The following STXBP3 variants were observed in gnomAD, a reference collection of about 807,000 sequenced individuals.
STXBP3 encodes the protein syntaxin binding protein 3, also known as syntaxin-binding protein 3.
STXBP3 carries 41 observed loss-of-function variants against 85.7 expected under a neutral mutation model. The ratio of observed to expected loss-of-function variants is 0.48; its 90% CI spans 0.37 to 0.62. The LOEUF is 0.62. STXBP3 is among the 20% of genes least tolerant of loss of function. The pLI is 0.00. For missense variants in STXBP3, 563 were observed against 703.1 expected (o/e 0.80, Z 2.25); for synonymous variants, 229 against 231.7 (o/e 0.99, Z 0.10).
chr1:108,806,998 T>G (rs1663350788), intron 17 of STXBP3, among the ~76,000 whole-genome samples: 1 of 152,142 alleles, frequency 6.6e-6, no homozygotes, highest in Admixed American at 6.5e-5. Flanking sequence ...TTATGCCTGT[T>G]ATCCCAGCAC....
In STXBP3 at chr1:108,794,881, A is replaced by T; in HGVS notation, c.1084A>T (p.Ile362Leu). The change falls in exon 13 of 19, where the codon ATA becomes TTA. Residue 362 changes from isoleucine to leucine, a missense_variant. Around this residue, in one of 3 missense-constraint regions of STXBP3, gnomAD observed 494 missense variants for 592.8 expected, o/e 0.83. Coordinates refer to ENST00000370008, the MANE Select transcript of STXBP3 (RefSeq NM_007269.4). ...TTGCATGAATAAGTTCAAGCTTAATATAGAAAAGCTCTGCAAAACTGAACA... is the reference window on the plus strand; with the variant it reads ...TTGCATGAATAAGTTCAAGCTTAATTTAGAAAAGCTCTGCAAAACTGAACA... Reference protein sequence around the residue: ...EDCMNKFKLNIEKLCKTEQDL... With the variant: ...EDCMNKFKLNLEKLCKTEQDL... 6.2e-7 allele frequency: 1 copy of T among 1,609,194 alleles called. No individual in the cohort carries two copies. The highest frequency in any genetic ancestry group is 8.5e-7 in the Non-Finnish European group (1 of 1,177,308).
chr1:108,755,486 G>T lies in STXBP3; in HGVS notation c.182-1204G>T, dbSNP rs190162386. Among the ~76,000 whole-genome samples, 167 of 151,980 alleles carry T rather than the reference G, an allele frequency of 1.1e-3. 1 individual carries two copies. The highest frequency in any genetic ancestry group is 3.9e-3 in the African/African-American group (160 of 41,448). ...AAAGTAAAAAACAGACTGGGAATTA[G>T]ATTTTTTTTTTCACTATTAAAGACC... On this transcript the variant is annotated intron_variant, in intron 3 of 18. Transcript: ENST00000370008.
intron 11 of STXBP3, among the ~76,000 whole-genome samples, chr1:108,784,344 G>C (rs796742296): frequency 6.6e-6 from 1 of 152,152 alleles, no homozygotes; most frequent in African/African-American, 2.4e-5. Flanking sequence ...GAGGCCTCAG[G>C]AAACTTAACA....
At chr1:108,753,941 C>T (rs1194036693) in intron 3 of STXBP3, among the ~76,000 whole-genome samples, 1 of 152,010 alleles carries the variant, frequency 6.6e-6, no homozygotes, top group Non-Finnish European at 1.5e-5. Context: ...GTCTGTTACT[C>T]CTAACTTAAT....
chr1:108,808,674 T>A, intron 18 of STXBP3, 109 bp from the exon 19 acceptor site: 5 of 821,142 alleles, frequency 6.1e-6, no homozygotes, highest in Admixed American at 4.8e-5. Flanking sequence ...TTTTGTTACA[T>A]TACCCCAGGC....
Position 108,779,340 on chromosome 1 carries a change from A to C in STXBP3, c.739A>C (p.Thr247Pro). Reference protein sequence around the residue: ...IIDRGFDPVSTVLHELTFQAM... With the variant: ...IIDRGFDPVSPVLHELTFQAM... ...TGATCGTGGCTTTGATCCTGTGTCC[A>C]CTGTCCTGCATGAACTGACCTTTCA... is the stretch of plus-strand genomic sequence containing the variant. The change falls in exon 9 of 19, where the codon ACT becomes CCT. Residue 247 changes from threonine to proline, a missense_variant. By Grantham distance (38) the Thr-to-Pro change is conservative (BLOSUM62 -1). Coordinates refer to ENST00000370008, the MANE Select transcript of STXBP3 (RefSeq NM_007269.4). 6.2e-7 allele frequency: 1 copy of C among 1,613,446 alleles called. No homozygotes were observed. The highest frequency in any genetic ancestry group is 1.7e-4 in the Middle Eastern group (1 of 6,058).
intron 17 of STXBP3, among the ~76,000 whole-genome samples, chr1:108,806,018 C>G (rs1402674126): frequency 6.6e-6 from 1 of 152,118 alleles, no homozygotes; most frequent in Middle Eastern, 3.4e-3. Flanking sequence ...TTATTTTTAC[C>G]TAAAAAAGAA....
intron 1 of STXBP3, among the ~76,000 whole-genome samples, chr1:108,750,600 C>G (rs1186799398): frequency 1.3e-5 from 2 of 152,180 alleles, no homozygotes; most frequent in Admixed American, 6.5e-5. Context: ...CAACTCTGGA[C>G]ACCAGCTGTA....
intron 15 of STXBP3, among the ~76,000 whole-genome samples, chr1:108,797,818 C>T (rs1663141701): frequency 6.6e-6 from 1 of 152,100 alleles, no homozygotes; most frequent in Non-Finnish European, 1.5e-5. Flanking sequence ...TCACTGCAAG[C>T]TCTGCCTCCT....
At chr1:108,761,260 A>G (rs1662136103) in intron 6 of STXBP3, among the ~76,000 whole-genome samples, 1 of 152,168 alleles carries the variant, frequency 6.6e-6, no homozygotes, top group East Asian at 1.9e-4. Context: ...AGATTTTAAC[A>G]TATCTGCTTA....
At chr1:108,798,020 CTT>C in intron 15 of STXBP3, 123 bp from the exon 16 acceptor site, 1 of 777,704 alleles carries the variant, frequency 1.3e-6, no homozygotes, top group Non-Finnish European at 2.0e-6. Flanking sequence ...CATCTCCACT[CTT>C]AGTTTTAAGT....
chr1:108,809,516 T>G lies in STXBP3; in HGVS notation c.*639T>G, dbSNP rs914215765. The G allele has an allele frequency of 1.3e-5, 2 of 152,170 alleles. No homozygotes were observed. Among genetic ancestry groups the G allele is most frequent in the African/African-American group, 2.4e-5 (1 of 41,442 alleles). 9.4% of individuals were successfully genotyped at this position (152,170 alleles called of 1,614,324 possible). On this transcript the variant is annotated 3_prime_UTR_variant, in exon 19 of 19. Coordinates refer to ENST00000370008, the MANE Select transcript of STXBP3 (RefSeq NM_007269.4). Reference sequence around the variant, plus strand: ...TTCTAAGAGAAAATAAATATAGAATTTAAAAAATTATTCTGGTTTGTGTTT... The same window carrying G: ...TTCTAAGAGAAAATAAATATAGAATGTAAAAAATTATTCTGGTTTGTGTTT...
intron 1 of STXBP3, among the ~76,000 whole-genome samples, chr1:108,747,058 G>C: frequency 8.3e-6 from 1 of 120,766 alleles, no homozygotes; most frequent in East Asian, 2.1e-4. Flanking sequence ...CTCCGCCCCG[G>C]GTGAGCCGCC....
At chr1:108,787,782 G>GT (rs933975962) in intron 11 of STXBP3, among the ~76,000 whole-genome samples, 14 of 151,576 alleles carry the variant, frequency 9.2e-5, no homozygotes, top group Admixed American at 2.0e-4. Context: ...TCTGTTTTTT[G>GT]TTTTTTTCTT....
intron 12 of STXBP3, among the ~76,000 whole-genome samples, chr1:108,794,511 T>G (rs1316369201): frequency 4.6e-5 from 7 of 152,138 alleles, no homozygotes; most frequent in Non-Finnish European, 7.4e-5. Context: ...GAGAACTCAC[T>G]TACTATTATG....
chr1:108,777,802 G>T (rs1476834048), intron 8 of STXBP3, among the ~76,000 whole-genome samples: 1 of 152,118 alleles, frequency 6.6e-6, no homozygotes, highest in Non-Finnish European at 1.5e-5. Flanking sequence ...TTCAGGCCAA[G>T]TGTTGCTTCC....
In STXBP3 at chr1:108,770,755, ATACC is replaced by A. The variant is rs1402396465; in HGVS notation, c.439-1909_439-1906del. ...AATTTAGTTTAACGGGGAACTCTCA[ATACC>A]ATTTAGGGAGCTCCTGGCTTTTGTA... On this transcript the variant is annotated intron_variant, in intron 6 of 18. Coordinates refer to ENST00000370008, the MANE Select transcript of STXBP3 (RefSeq NM_007269.4). 5.7e-5 allele frequency among the ~76,000 whole-genome samples: 7 copies of A among 122,884 alleles called. No homozygotes were observed. The South Asian group carries it at 1.6e-3, about 28-fold the overall frequency. The allele number at this position is 122,884 out of a possible 152,430, so 80.6% of individuals were successfully genotyped here.
At chr1:108,771,469 G>T (rs1479118732) in intron 6 of STXBP3, among the ~76,000 whole-genome samples, 8 of 77,854 alleles carry the variant, frequency 1.0e-4, no homozygotes, top group African/African-American at 1.2e-4. Context: ...AAATATATAT[G>T]ATATATATCT....
chr1:108,799,169 G>A lies in STXBP3; in HGVS notation c.1449+932G>A, dbSNP rs1032175592. 5.3e-5 allele frequency among the ~76,000 whole-genome samples: 8 copies of A among 152,140 alleles called. No homozygotes were observed. In the South Asian group the frequency reaches 6.2e-4, roughly 12 times the overall value. On this transcript the variant is annotated intron_variant, in intron 16 of 18. Transcript: ENST00000370008. ...TTCTTTGGGGAGCTAATTTGGTACA[G>A]TGCATAACTATGATTTCTCTGTTTT... is the stretch of plus-strand genomic sequence containing the variant.
Sources: allele counts gnomAD v4.1 joint callset (sites outside exome capture counted in the v4.1 genomes callset), GRCh38; gene constraint gnomAD v4.1.1; regional missense constraint gnomAD v4.1.1; transcripts MANE v1.5; gene names NCBI Gene and HGNC (gene_info 2026-07-23, HGNC 2026-07-21).